ODR4: variants seen among roughly 807,000 people sequenced by gnomAD.
ODR4 encodes odr-4 GPCR localization factor homolog.
ODR4 carries 47 observed loss-of-function variants against 60.2 expected under a neutral mutation model. The ratio of observed to expected loss-of-function variants is 0.78; its 90% CI spans 0.62 to 1.00. ODR4 has a LOEUF of 1.00. ODR4 is among the 50% of genes least tolerant of loss of function. The probability of loss-of-function intolerance (pLI) is 0.00; values close to 1 mark genes in which losing one functional copy is unlikely to be tolerated. For synonymous variants in ODR4, 178 were observed against 175.5 expected, an observed-to-expected ratio of 1.01 and a Z score of -0.11; for missense variants, 488 against 530.8, an observed-to-expected ratio of 0.92 and a Z score of 0.79.
rs1661766727 is a variant in ODR4, at chr1:186,421,333, TAAAC to T, written c.*2261_*2264del. 6.6e-6 allele frequency: 1 copy of T among 152,184 alleles called. No homozygotes were observed. The highest frequency in any genetic ancestry group is 1.5e-5 in the Non-Finnish European group (1 of 68,036). 9.4% of individuals were successfully genotyped at this position (152,184 alleles called of 1,614,324 possible). On this transcript the variant is annotated 3_prime_UTR_variant, in exon 14 of 14. Transcript: ENST00000287859. ...ATAATGAAGTGTTTATAAGAAATTG[TAAAC>T]AAATGTAAAACTAAATAAACATTGT...
intron 11 of ODR4, 79 bp from the exon 12 acceptor site, chr1:186,406,004 G>A: frequency 1.0e-6 from 1 of 991,744 alleles, no homozygotes; most frequent in South Asian, 2.6e-5. Flanking sequence ...ATTAGTTTTT[G>A]TATGTACTTC....
intron 3 of ODR4, among the ~76,000 whole-genome samples, chr1:186,383,432 G>A (rs1451119071): frequency 6.6e-6 from 1 of 152,030 alleles, no homozygotes; most frequent in African/African-American, 2.4e-5. Flanking sequence ...TTAGAATAAG[G>A]TAAAAATAGA....
chr1:186,380,052 A>G (rs1659966990), intron 2 of ODR4, among the ~76,000 whole-genome samples, 168 bp downstream of exon 2: 1 of 152,224 alleles, frequency 6.6e-6, no homozygotes, highest in Non-Finnish European at 1.5e-5. Context: ...CTTTGAGGAA[A>G]CATGGAGAAG....
chr1:186,386,216 A>G, intron 4 of ODR4, 133 bp downstream of exon 4: 1 of 520,686 alleles, frequency 1.9e-6, no homozygotes, highest in Non-Finnish European at 3.2e-6. Context: ...TTACATTGAA[A>G]AAGCTTTTGT....
rs1367676412 is a variant in ODR4, at chr1:186,383,036, G to C, written c.114G>C (p.Lys38Asn). Residue 38 changes from lysine (K) to asparagine (N), a missense_variant, in exon 3 of 14, where the codon AAG becomes AAC. Lys to Asn is a moderately conservative substitution (Grantham distance 94). Transcript: ENST00000287859. ...GLLIGQCSSQ[K>N]DYVILATRTP... is the part of the protein sequence containing the mutation. The stretch of plus-strand genomic sequence containing the variant: ...TGTTGTTGAAGTGTTCGTCACAAAA[G>C]GATTATGTGATTCTTGCCACTAGAA... 3 of 1,584,518 alleles carry C rather than the reference G, an allele frequency of 1.9e-6. No homozygotes were observed. The highest frequency in any genetic ancestry group is 1.3e-5 in the African/African-American group (1 of 74,348).
downstream of ODR4, among the ~76,000 whole-genome samples, chr1:186,422,460 G>A (rs1293862405): frequency 6.6e-6 from 1 of 152,048 alleles, no homozygotes; most frequent in Non-Finnish European, 1.5e-5. Context: ...TAAACATTTA[G>A]AATAATGTAT....
chr1:186,378,615 G>A (rs964684501), intron 1 of ODR4, among the ~76,000 whole-genome samples: 8 of 152,166 alleles, frequency 5.3e-5, no homozygotes, highest in African/African-American at 1.9e-4. Flanking sequence ...GACTGGTTAC[G>A]ATTCCTCATT....
rs1208466652 is a variant in ODR4, at chr1:186,382,845, A to G, written c.100-177A>G. The stretch of plus-strand genomic sequence containing the variant: ...CATGTGAGGGAAAGATTGTAAGGCC[A>G]TCCTTGAAAATTAGCTTCCCTTTAG... On this transcript the variant is annotated intron_variant, in intron 2 of 13. Transcript: ENST00000287859. 5.3e-5 allele frequency among the ~76,000 whole-genome samples: 8 copies of G among 152,360 alleles called. No individual in the cohort carries two copies. The East Asian group carries it at 1.5e-3, about 29-fold the overall frequency.
At chr1:186,399,865 G>C (rs1013483421) in intron 11 of ODR4, among the ~76,000 whole-genome samples, 3 of 151,546 alleles carry the variant, frequency 2.0e-5, no homozygotes, top group Non-Finnish European at 4.4e-5. Flanking sequence ...GCAGCTTTTG[G>C]GAAACATAAC....
chr1:186,385,614 G>C (rs1250070766), intron 3 of ODR4, among the ~76,000 whole-genome samples: 1 of 151,940 alleles, frequency 6.6e-6, no homozygotes, highest in African/African-American at 2.4e-5. Context: ...ATGGAAAACA[G>C]TTTATAGCCT....
intron 3 of ODR4, among the ~76,000 whole-genome samples, chr1:186,385,078 A>G (rs1034145304): frequency 2.6e-5 from 4 of 152,064 alleles, no homozygotes; most frequent in Admixed American, 1.3e-4. Flanking sequence ...AAAAATATGT[A>G]TAACTTCTTA....
the ODR4 span, among the ~76,000 whole-genome samples, chr1:186,428,791 A>C: frequency 6.6e-5 from 10 of 152,114 alleles, no homozygotes; most frequent in African/African-American, 2.4e-4. Context: ...TTCAGAGAAT[A>C]GGGATAGGGA....
At chr1:186,412,657 C>T (rs538929194) in intron 12 of ODR4, among the ~76,000 whole-genome samples, 1 of 152,124 alleles carries the variant, frequency 6.6e-6, no homozygotes, top group African/African-American at 2.4e-5. Context: ...CTCATTTACT[C>T]ATTTATTCAT....
At position 186,407,392 on chromosome 1, in the gene ODR4, G is replaced by A. The variant is rs140775986; in HGVS notation, c.1186+1124G>A. The stretch of plus-strand genomic sequence containing the variant: ...CTTGGTTAGTGACTGCATTATCTCT[G>A]CCAACGAAACTTAGGATCATGAGGA... On this transcript the variant is annotated intron_variant, in intron 12 of 13. Coordinates refer to ENST00000287859, the MANE Select transcript of ODR4 (RefSeq NM_017847.6). Among the ~76,000 whole-genome samples, 173 of 152,136 alleles carry A rather than the reference G, an allele frequency of 1.1e-3. 1 individual carries two copies. The highest frequency in any genetic ancestry group is 4.1e-3 in the African/African-American group (170 of 41,526).
chr1:186,414,185 A>G (rs926933068), intron 12 of ODR4, among the ~76,000 whole-genome samples: 1 of 152,198 alleles, frequency 6.6e-6, no homozygotes, highest in African/African-American at 2.4e-5. Context: ...ATTGAAAAAC[A>G]TTCTGCTTCG....
At chr1:186,421,832 A>G (rs2102107205), downstream of ODR4, among the ~76,000 whole-genome samples, 1 of 145,450 alleles carries the variant, frequency 6.9e-6, no homozygotes, top group East Asian at 2.1e-4. Flanking sequence ...ACTGCACTCC[A>G]GCCTGGGTGA....
chr1:186,428,968 G>T, the ODR4 span, among the ~76,000 whole-genome samples: 1 of 152,242 alleles, frequency 6.6e-6, no homozygotes, highest in South Asian at 2.1e-4. Context: ...ATAAGGCTGG[G>T]CATGGTGGCT....
chr1:186,425,453 A>G (rs1661866728), downstream of ODR4, among the ~76,000 whole-genome samples: 1 of 152,140 alleles, frequency 6.6e-6, no homozygotes, highest in African/African-American at 2.4e-5. Context: ...GCCTAATTCT[A>G]CCTGAGAGTG....
intron 4 of ODR4, 147 bp downstream of exon 4, chr1:186,386,230 T>G (rs1660244248): frequency 2.0e-6 from 1 of 497,686 alleles, no homozygotes; most frequent in East Asian, 3.5e-5. Flanking sequence ...CTTTTGTCAC[T>G]CAATTGCTTG....
Sources: gnomAD v4.1 joint callset for allele counts (sites outside exome capture counted in the v4.1 genomes callset) on GRCh38, gnomAD v4.1.1 for gene constraint, MANE v1.5 for transcripts, NCBI Gene and HGNC (gene_info 2026-07-23, HGNC 2026-07-21) for gene names.